SMAP1: variants seen among roughly 807,000 people sequenced by gnomAD.
SMAP1 encodes stromal membrane-associated protein 1.
In SMAP1, 24 loss-of-function variants were observed where a neutral mutation model predicts 58.5. That is an observed-to-expected ratio of 0.41 (90% CI 0.30 to 0.58). SMAP1 has a LOEUF of 0.58. Among genes scored for constraint, SMAP1 ranks in the 20% least tolerant of loss-of-function variants. SMAP1 has a pLI of 0.29. For missense variants in SMAP1, 563 were observed against 566.3 expected (o/e 0.99, Z 0.06); for synonymous variants, 216 against 196.6 (o/e 1.10, Z -0.82).
chr6:70,846,960 T>C (rs535099154), intron 7 of SMAP1, among the ~76,000 whole-genome samples: 41 of 152,338 alleles, frequency 2.7e-4, no homozygotes, highest in Non-Finnish European at 5.3e-4. Context: ...GATCAGAGTA[T>C]CTGGCACATA....
At chr6:70,728,723 C>G (rs1490988870) in intron 1 of SMAP1, among the ~76,000 whole-genome samples, 1 of 152,146 alleles carries the variant, frequency 6.6e-6, no homozygotes, top group East Asian at 1.9e-4. Flanking sequence ...TAAATATTTC[C>G]TATAATCTAA....
chr6:70,839,468 C>G (rs888388182), intron 7 of SMAP1, among the ~76,000 whole-genome samples: 1 of 152,164 alleles, frequency 6.6e-6, no homozygotes, highest in Non-Finnish European at 1.5e-5. Flanking sequence ...ATTTCTGTCA[C>G]TCATGGGCCT....
chr6:70,703,590 A>G (rs1055271304), intron 1 of SMAP1, among the ~76,000 whole-genome samples: 1 of 152,222 alleles, frequency 6.6e-6, no homozygotes, highest in South Asian at 2.1e-4. Context: ...TTCGAATACC[A>G]TATCTGATGA....
intron 1 of SMAP1, among the ~76,000 whole-genome samples, chr6:70,684,465 C>T (rs532296479): frequency 6.6e-6 from 1 of 152,220 alleles, no homozygotes; most frequent in South Asian, 2.1e-4. Flanking sequence ...AACTTTAAGA[C>T]CATCAGGTGA....
intron 3 of SMAP1, among the ~76,000 whole-genome samples, chr6:70,756,923 C>G (rs182153773): frequency 6.6e-6 from 1 of 151,908 alleles, no homozygotes; most frequent in Non-Finnish European, 1.5e-5. Context: ...GAATCAATAT[C>G]GTGAAAATGG....
intron 1 of SMAP1, among the ~76,000 whole-genome samples, chr6:70,678,232 A>T (rs550302212): frequency 7.2e-5 from 11 of 152,174 alleles, no homozygotes; most frequent in Non-Finnish European, 1.5e-4. Context: ...TTGACTAGAG[A>T]TCCAAGTGAT....
chr6:70,810,348 C>G (rs986946065), intron 6 of SMAP1, among the ~76,000 whole-genome samples: 1 of 151,984 alleles, frequency 6.6e-6, no homozygotes, highest in Non-Finnish European at 1.5e-5. Context: ...TTCTGCTTCC[C>G]CATAATATTC....
intron 1 of SMAP1, among the ~76,000 whole-genome samples, chr6:70,712,266 T>C (rs1459702499): frequency 6.6e-6 from 1 of 152,256 alleles, no homozygotes; most frequent in Non-Finnish European, 1.5e-5. Context: ...GCCAACCTTA[T>C]ATCCCAGAGG....
At chr6:70,680,583 C>T (rs1439673603) in intron 1 of SMAP1, among the ~76,000 whole-genome samples, 2 of 151,846 alleles carry the variant, frequency 1.3e-5, no homozygotes, top group East Asian at 1.9e-4. Flanking sequence ...ATAGTGCGTC[C>T]GTACAGTGGA....
At chr6:70,779,081 G>A (rs557267378) in intron 4 of SMAP1, among the ~76,000 whole-genome samples, 1 of 152,358 alleles carries the variant, frequency 6.6e-6, no homozygotes, top group East Asian at 1.9e-4. Flanking sequence ...ACTGTCTGTG[G>A]TGGCAGCCCC....
chr6:70,721,745 C>A (rs559216402), intron 1 of SMAP1, among the ~76,000 whole-genome samples: 1 of 152,000 alleles, frequency 6.6e-6, no homozygotes, highest in East Asian at 1.9e-4. Context: ...GAATCATGGT[C>A]GGAAGTGAAA....
chr6:70,680,126 A>C (rs1164737426), intron 1 of SMAP1, among the ~76,000 whole-genome samples: 1 of 151,934 alleles, frequency 6.6e-6, no homozygotes, highest in African/African-American at 2.4e-5. Context: ...AACAACAACA[A>C]CAACAACAAC....
intron 3 of SMAP1, among the ~76,000 whole-genome samples, chr6:70,771,547 C>G (rs1669005814): frequency 6.6e-6 from 1 of 152,212 alleles, no homozygotes; most frequent in Non-Finnish European, 1.5e-5. Context: ...GCGTAGGACC[C>G]TCCGAGCCAG....
chr6:70,700,650 C>G (rs1767590978), intron 1 of SMAP1, among the ~76,000 whole-genome samples: 1 of 152,192 alleles, frequency 6.6e-6, no homozygotes, highest in Admixed American at 6.5e-5. Context: ...TGTATAGTAA[C>G]AGAAGAACGA....
chr6:70,851,397 A>G (rs1287984580), intron 7 of SMAP1, among the ~76,000 whole-genome samples: 1 of 152,226 alleles, frequency 6.6e-6, no homozygotes, highest in Non-Finnish European at 1.5e-5. Context: ...TCAGTATTTG[A>G]GTATCTACTT....
intron 6 of SMAP1, among the ~76,000 whole-genome samples, chr6:70,831,984 C>T (rs955076339): frequency 1.3e-5 from 2 of 151,948 alleles, no homozygotes; most frequent in Admixed American, 1.3e-4. Context: ...GGTGGTGTCT[C>T]ATTGTGGTTT....
At chr6:70,831,142 T>C (rs1351843643) in intron 6 of SMAP1, among the ~76,000 whole-genome samples, 2 of 152,212 alleles carry the variant, frequency 1.3e-5, no homozygotes, top group African/African-American at 4.8e-5. Context: ...AGGCCAGCCA[T>C]GATTTTCCCC....
At chr6:70,736,837 C>T (rs1409255252) in intron 2 of SMAP1, among the ~76,000 whole-genome samples, 2 of 152,252 alleles carry the variant, frequency 1.3e-5, no homozygotes, top group African/African-American at 4.8e-5. Flanking sequence ...ATCAGTGTCA[C>T]ATCTCCATTT....
At chr6:70,854,842 T>C (rs1243754086) in intron 8 of SMAP1, among the ~76,000 whole-genome samples, 4 of 152,122 alleles carry the variant, frequency 2.6e-5, no homozygotes, top group Admixed American at 2.6e-4. Context: ...TTTCTGAGTA[T>C]ATACAAATTC....
Sources: gnomAD v4.1 joint callset for allele counts (sites outside exome capture counted in the v4.1 genomes callset) on GRCh38, gnomAD v4.1.1 for gene constraint, MANE v1.5 for transcripts, NCBI Gene and HGNC (gene_info 2026-07-23, HGNC 2026-07-21) for gene names.